The following MALRD1 variants were observed in gnomAD, a reference collection of about 807,000 sequenced individuals.
MALRD1 encodes the protein MAM and LDL receptor class A domain containing 1.
A neutral mutation model predicts 242.1 loss-of-function variants in MALRD1; 247 were observed. That is an observed-to-expected ratio of 1.02 (90% CI 0.92 to 1.13). MALRD1 has a LOEUF of 1.13. Ranked by LOEUF, MALRD1 falls within the 50% of genes most tolerant of loss-of-function variation. The pLI, the probability that MALRD1 is intolerant of heterozygous loss-of-function variation, is 0.00. For synonymous variants in MALRD1, 995 were observed against 866.6 expected, an observed-to-expected ratio of 1.15 and a Z score of -2.60; for missense variants, 2,989 against 2,533.1, an observed-to-expected ratio of 1.18 and a Z score of -3.86.
At chr10:19,327,094 AC>A (rs1843165269) in intron 22 of MALRD1, among the ~76,000 whole-genome samples, 2 of 152,156 alleles carry the variant, frequency 1.3e-5, no homozygotes, top group South Asian at 2.1e-4. Flanking sequence ...CACTCATCTT[AC>A]CCATCTGTGC....
chr10:19,367,726 A>G (rs1190244460), intron 26 of MALRD1, among the ~76,000 whole-genome samples: 1 of 152,094 alleles, frequency 6.6e-6, no homozygotes, highest in Admixed American at 6.6e-5. Context: ...ATTCTCAAGA[A>G]GAGTGTATAA....
chr10:19,276,835 T>C (rs1840551758), intron 19 of MALRD1, among the ~76,000 whole-genome samples: 1 of 151,940 alleles, frequency 6.6e-6, no homozygotes, highest in Admixed American at 6.6e-5. Flanking sequence ...TTTTTTGTGG[T>C]GTTGTCATTG....
At chr10:19,287,402 G>A (rs145892489) in intron 21 of MALRD1, among the ~76,000 whole-genome samples, 21 of 151,864 alleles carry the variant, frequency 1.4e-4, no homozygotes, top group East Asian at 5.8e-4. Flanking sequence ...CCCTCCCATC[G>A]TTCCGACTGT....
At chr10:19,299,627 T>C (rs2131951407) in intron 21 of MALRD1, among the ~76,000 whole-genome samples, 1 of 152,154 alleles carries the variant, frequency 6.6e-6, no homozygotes, top group Middle Eastern at 3.4e-3. Context: ...AAAACCTACA[T>C]GATTATCTCA....
intron 1 of MALRD1, chr10:19,052,000 C>T: frequency 3.4e-6 from 1 of 295,714 alleles, no homozygotes; most frequent in Non-Finnish European, 6.6e-6. Context: ...CCTAAATACT[C>T]AGAAGCACCG....
Position 19,498,625 on chromosome 10 carries a change from C to T in MALRD1, c.5299C>T (p.Pro1767Ser). The T allele has an allele frequency of 1.3e-6, 2 of 1,550,116 alleles. No homozygotes were observed. Among genetic ancestry groups the T allele is most frequent in the Middle Eastern group, 1.7e-4 (1 of 5,992 alleles). The change falls in exon 31 of 40, where the codon CCA (proline) becomes TCA (serine). Residue 1767 changes from proline to serine, a missense_variant. By Grantham distance (74) the Pro-to-Ser change is moderately conservative. Coordinates refer to ENST00000454679, the MANE Select transcript of MALRD1 (RefSeq NM_001142308.3). ...CAGAATTCCTGCCAAAGCATTAATT[C>T]CAGACTCTGATCACACGCCAGGTAA... is the stretch of plus-strand genomic sequence containing the variant. ...GSRIPAKALI[P>S]DSDHTPGSGQ...
At chr10:19,269,753 G>C (rs913348414) in intron 19 of MALRD1, among the ~76,000 whole-genome samples, 2 of 152,084 alleles carry the variant, frequency 1.3e-5, no homozygotes, top group Non-Finnish European at 2.9e-5. Context: ...GGACTTACTT[G>C]GTTTGTAAAA....
At chr10:19,411,297 T>C (rs1295264299) in intron 28 of MALRD1, among the ~76,000 whole-genome samples, 1 of 152,216 alleles carries the variant, frequency 6.6e-6, no homozygotes, top group Non-Finnish European at 1.5e-5. Flanking sequence ...TGAATACATA[T>C]GCTTAGTTCC....
intron 32 of MALRD1, among the ~76,000 whole-genome samples, chr10:19,552,328 G>C (rs558422991): frequency 1.3e-5 from 2 of 151,896 alleles, no homozygotes; most frequent in Admixed American, 6.6e-5. Flanking sequence ...AAATTTATCA[G>C]TTTCTTCTAG....
At chr10:19,669,687 A>T (rs1841825071) in intron 36 of MALRD1, among the ~76,000 whole-genome samples, 1 of 152,170 alleles carries the variant, frequency 6.6e-6, no homozygotes, top group Non-Finnish European at 1.5e-5. Context: ...TAACTCCAGA[A>T]AAAAATTAAA....
chr10:19,693,312 A>T (rs1294111174), intron 38 of MALRD1, among the ~76,000 whole-genome samples: 15 of 152,024 alleles, frequency 9.9e-5, no homozygotes, highest in Non-Finnish European at 1.5e-4. Context: ...ACATGATTGT[A>T]TATCTAGAAA....
intron 4 of MALRD1, among the ~76,000 whole-genome samples, chr10:19,100,077 T>A (rs1041719756): frequency 3.9e-5 from 6 of 152,156 alleles, no homozygotes; most frequent in Admixed American, 6.5e-5. Context: ...TTCTTTTTTT[T>A]AATCATCCTG....
At chr10:19,349,733 T>C (rs1024743124) in intron 25 of MALRD1, among the ~76,000 whole-genome samples, 2 of 152,142 alleles carry the variant, frequency 1.3e-5, no homozygotes, top group Non-Finnish European at 2.9e-5. Context: ...ATTCTGAAAA[T>C]CACAAATTCA....
At chr10:19,180,602 GA>G (rs1311512913) in intron 14 of MALRD1, among the ~76,000 whole-genome samples, 1 of 152,128 alleles carries the variant, frequency 6.6e-6, no homozygotes, top group African/African-American at 2.4e-5. Flanking sequence ...TTTAAGACCT[GA>G]AATCATTAAA....
intron 14 of MALRD1, among the ~76,000 whole-genome samples, chr10:19,195,874 C>A (rs1836217209): frequency 6.6e-6 from 1 of 152,148 alleles, no homozygotes; most frequent in Non-Finnish European, 1.5e-5. Context: ...CCAGTCCATT[C>A]CTTCCCCCGC....
intron 36 of MALRD1, among the ~76,000 whole-genome samples, chr10:19,650,205 A>G (rs1773085057): frequency 6.6e-6 from 1 of 152,232 alleles, no homozygotes; most frequent in African/African-American, 2.4e-5. Context: ...GGCTTTGAAG[A>G]CAGAAATTAT....
intron 28 of MALRD1, among the ~76,000 whole-genome samples, chr10:19,417,848 T>C (rs564530242): frequency 6.6e-6 from 1 of 152,258 alleles, no homozygotes; most frequent in South Asian, 2.1e-4. Flanking sequence ...TGGTATGGAT[T>C]ACACTATGTG....
At chr10:19,326,491 A>G (rs937213752) in intron 22 of MALRD1, among the ~76,000 whole-genome samples, 5 of 152,068 alleles carry the variant, frequency 3.3e-5, no homozygotes, top group Admixed American at 6.6e-5. Flanking sequence ...TGATTTGTAT[A>G]TAGTGTGGTA....
chr10:19,197,293 T>A (rs564419357), intron 14 of MALRD1, among the ~76,000 whole-genome samples: 2 of 152,234 alleles, frequency 1.3e-5, no homozygotes, highest in South Asian at 4.1e-4. Flanking sequence ...CCAAACCATA[T>A]CACACCTTGA....
Sources: allele counts gnomAD v4.1 joint callset (sites outside exome capture counted in the v4.1 genomes callset), GRCh38; gene constraint gnomAD v4.1.1; transcripts MANE v1.5; gene names NCBI Gene and HGNC (gene_info 2026-07-23, HGNC 2026-07-21).